Variants in TOMM20 observed in about 807,000 individuals in gnomAD.
The protein encoded by TOMM20 is mitochondrial import receptor subunit TOM20 homolog.
Under a neutral mutation model 22.1 loss-of-function variants are expected in TOMM20, and 10 were observed. The observed-to-expected ratio is 0.45, with a 90% CI of 0.28 to 0.77. TOMM20 has a LOEUF of 0.77. TOMM20 is among the 30% of genes least tolerant of loss of function. The probability of loss-of-function intolerance (pLI) is 0.13; values close to 1 mark genes in which losing one functional copy is unlikely to be tolerated. For missense variants in TOMM20, 121 were observed against 172.2 expected (o/e 0.70, Z 1.66); for synonymous variants, 55 against 61.4 (o/e 0.90, Z 0.49).
intron 1 of TOMM20, chr1:235,127,865 G>A: frequency 1.9e-6 from 1 of 519,162 alleles, no homozygotes; most frequent in Non-Finnish European, 3.8e-6. Context: ...GGACTCCCCT[G>A]CAATTTCTAT....
intron 2 of TOMM20, among the ~76,000 whole-genome samples, chr1:235,121,618 T>G (rs1463133849): frequency 6.6e-6 from 1 of 152,228 alleles, no homozygotes; most frequent in Non-Finnish European, 1.5e-5. Flanking sequence ...TTGTCTCAAC[T>G]TGCTTTAAAA....
intron 1 of TOMM20, chr1:235,127,714 C>A: frequency 2.7e-6 from 1 of 365,098 alleles, no homozygotes; most frequent in South Asian, 2.2e-5. Flanking sequence ...ATTTGCTCTT[C>A]AATGATGCGA....
intron 3 of TOMM20, among the ~76,000 whole-genome samples, chr1:235,117,005 G>C (rs1393229211): frequency 1.3e-5 from 2 of 148,874 alleles, no homozygotes; most frequent in Non-Finnish European, 3.0e-5. Context: ...CGTGGTGGTG[G>C]GCGCCTGTAG....
chr1:235,126,004 C>T (rs1365766529), intron 1 of TOMM20, among the ~76,000 whole-genome samples: 1 of 151,920 alleles, frequency 6.6e-6, no homozygotes, highest in African/African-American at 2.4e-5. Flanking sequence ...GATCTTCCCA[C>T]CTTGGCCTCC....
At chr1:235,113,511 T>C (rs958243589) in intron 4 of TOMM20, among the ~76,000 whole-genome samples, 5 of 152,190 alleles carry the variant, frequency 3.3e-5, no homozygotes, top group African/African-American at 2.4e-5. Flanking sequence ...ATTTGGACAG[T>C]TGACTACTAA....
chr1:235,119,324 G>C (rs937051741), intron 3 of TOMM20: 5 of 152,122 alleles, frequency 3.3e-5, no homozygotes, highest in African/African-American at 1.2e-4. Context: ...CTGAAATAAG[G>C]GGTCATGAAC....
chr1:235,126,841 C>T (rs2102814209), intron 1 of TOMM20, among the ~76,000 whole-genome samples: 1 of 152,180 alleles, frequency 6.6e-6, no homozygotes, highest in East Asian at 1.9e-4. Context: ...TCATCAATTA[C>T]CATGTGTGAG....
chr1:235,120,365 C>T (rs1364363428), intron 2 of TOMM20, among the ~76,000 whole-genome samples: 1 of 151,848 alleles, frequency 6.6e-6, no homozygotes, highest in South Asian at 2.1e-4. Flanking sequence ...TCCCACCTCC[C>T]GGATTCAAGC....
At chr1:235,122,571 C>T (rs1660946203) in intron 1 of TOMM20, 199 bp from the exon 2 acceptor site, 2 of 419,230 alleles carry the variant, frequency 4.8e-6, no homozygotes, top group Non-Finnish European at 8.5e-6. Context: ...TGCACTGGAG[C>T]GTTCTCCTTC....
Position 235,111,560 on chromosome 1 carries a change from C to A in TOMM20, c.*504G>T, listed in dbSNP as rs941447023. 1.2e-5 allele frequency: 2 copies of A among 160,122 alleles called. No homozygotes were observed. 9.9% of individuals were successfully genotyped at this position (160,122 alleles called of 1,614,324 possible). On this transcript the variant is annotated 3_prime_UTR_variant, in exon 5 of 5. Transcript: ENST00000366607. The stretch of plus-strand genomic sequence containing the variant: ...TAACCCAGCACAGCAGCACACCTCA[C>A]ATATTTACGTCTCAGAGATTAAATG...
intron 3 of TOMM20, among the ~76,000 whole-genome samples, chr1:235,114,323 C>T (rs1259254835): frequency 3.3e-5 from 5 of 151,086 alleles, no homozygotes; most frequent in South Asian, 4.2e-4. Flanking sequence ...TGAATGGTAT[C>T]GCATGGGAAG....
chr1:235,127,327 G>A (rs1488697643), intron 1 of TOMM20, among the ~76,000 whole-genome samples: 1 of 152,224 alleles, frequency 6.6e-6, no homozygotes, highest in African/African-American at 2.4e-5. Flanking sequence ...TTAGGATTCA[G>A]AAACCCCAAA....
At chr1:235,126,363 T>G (rs1039498545) in intron 1 of TOMM20, among the ~76,000 whole-genome samples, 2 of 146,602 alleles carry the variant, frequency 1.4e-5, no homozygotes, top group Non-Finnish European at 3.0e-5. Flanking sequence ...ACTCCTGACA[T>G]GAGGTGATCC....
chr1:235,125,401 A>G (rs373712401), intron 1 of TOMM20, among the ~76,000 whole-genome samples: 24 of 152,008 alleles, frequency 1.6e-4, no homozygotes, highest in East Asian at 1.4e-3. Context: ...TTTTTTAGTA[A>G]AGACGGGGTT....
intron 3 of TOMM20, among the ~76,000 whole-genome samples, chr1:235,114,462 A>G (rs1231006180): frequency 1.4e-5 from 2 of 144,430 alleles, no homozygotes; most frequent in Admixed American, 1.4e-4. Flanking sequence ...TTTTTGAGAC[A>G]GAGTCTCGCT....
intron 3 of TOMM20, among the ~76,000 whole-genome samples, chr1:235,115,636 T>G (rs977549508): frequency 1.3e-5 from 2 of 151,814 alleles, no homozygotes; most frequent in African/African-American, 4.8e-5. Flanking sequence ...CAAAAAGAAA[T>G]AAATAAAAAT....
chr1:235,111,903 T>C lies in TOMM20; in HGVS notation c.*161A>G. On this transcript the variant is annotated 3_prime_UTR_variant, in exon 5 of 5. Coordinates refer to ENST00000366607, the MANE Select transcript of TOMM20 (RefSeq NM_014765.3). ...TACACTTTTCACTGGGAAAAATAAATAAAATAGACAAATGGATCTACACAA... is the reference window on the plus strand; with the variant it reads ...TACACTTTTCACTGGGAAAAATAAACAAAATAGACAAATGGATCTACACAA... The C allele has an allele frequency of 2.9e-6, 2 of 678,242 alleles. No individual in the cohort carries two copies. Among genetic ancestry groups the C allele is most frequent in the South Asian group, 3.5e-5 (2 of 57,114 alleles). 42.0% of individuals were successfully genotyped at this position (678,242 alleles called of 1,614,324 possible).
At chr1:235,115,297 T>C (rs373507153) in intron 3 of TOMM20, among the ~76,000 whole-genome samples, 2 of 152,222 alleles carry the variant, frequency 1.3e-5, no homozygotes, top group African/African-American at 4.8e-5. Flanking sequence ...AATATTTTAA[T>C]GTGCCTTACA....
At position 235,111,071 on chromosome 1, in the gene TOMM20, T is replaced by TA. The variant is rs1185007443; in HGVS notation, c.*992dup. ...TACAAGCAGATCATCCCAGTTACCT[T>TA]AAAAGTTTCGGATTAATTTACAGAG... On this transcript the variant is annotated 3_prime_UTR_variant, in exon 5 of 5. Transcript: ENST00000366607. 6.6e-5 allele frequency: 10 copies of TA among 152,292 alleles called. No homozygotes were observed. In the East Asian group the frequency reaches 1.7e-3, roughly 26 times the overall value. 9.4% of individuals were successfully genotyped at this position (152,292 alleles called of 1,614,324 possible).
Sources: gnomAD v4.1 joint callset for allele counts (sites outside exome capture counted in the v4.1 genomes callset) on GRCh38, gnomAD v4.1.1 for gene constraint, MANE v1.5 for transcripts, NCBI Gene and HGNC (gene_info 2026-07-23, HGNC 2026-07-21) for gene names.